CAPS2: variants seen among roughly 807,000 people sequenced by gnomAD.
CAPS2 encodes calcyphosine 2.
A neutral mutation model predicts 86.5 loss-of-function variants in CAPS2; 98 were observed. The ratio of observed to expected loss-of-function variants is 1.13; its 90% CI spans 0.96 to 1.34. CAPS2 has a LOEUF of 1.34. Ranked by LOEUF, CAPS2 falls within the 40% of genes most tolerant of loss-of-function variation. CAPS2 has a pLI of 0.00. For missense variants in CAPS2, 729 were observed against 686.8 expected (o/e 1.06, Z -0.69); for synonymous variants, 210 against 225.1 (o/e 0.93, Z 0.60).
intron 15 of CAPS2, among the ~76,000 whole-genome samples, chr12:75,283,647 C>G (rs981860093): frequency 6.6e-6 from 1 of 151,922 alleles, no homozygotes; most frequent in African/African-American, 2.4e-5. Context: ...AACCCTGTCT[C>G]TACTAAAAAT....
intron 1 of CAPS2, chr12:75,369,537 T>C (rs1593871061): frequency 2.0e-6 from 2 of 982,420 alleles, no homozygotes; most frequent in Non-Finnish European, 2.4e-6. Context: ...GAAAGTTTGA[T>C]GTGGAAAAGA....
intron 13 of CAPS2, 52 bp from the exon 14 acceptor site, chr12:75,289,827 TA>T (rs2035536549): frequency 7.7e-7 from 1 of 1,302,282 alleles, no homozygotes; most frequent in Non-Finnish European, 1.1e-6. Context: ...CATAAATGTA[TA>T]AAGCCGCAGT....
chr12:75,360,283 TC>T (rs1340042490), intron 1 of CAPS2: 1 of 152,050 alleles, frequency 6.6e-6, no homozygotes, highest in Non-Finnish European at 1.5e-5. Flanking sequence ...TACGCAACAG[TC>T]CCCCAAAATT....
At chr12:75,293,203 A>C in intron 12 of CAPS2, 46 bp downstream of exon 12, 3 of 1,045,194 alleles carry the variant, frequency 2.9e-6, no homozygotes, top group Non-Finnish European at 4.4e-6. Flanking sequence ...ATTTAAAAAT[A>C]GTGTTTTCAC....
intron 7 of CAPS2, among the ~76,000 whole-genome samples, chr12:75,312,051 C>T (rs1429216191): frequency 1.3e-5 from 2 of 152,160 alleles, no homozygotes; most frequent in Non-Finnish European, 2.9e-5. Flanking sequence ...CTAAGTCTTA[C>T]TTTTTCCTTG....
upstream of CAPS2, chr12:75,334,982 T>C (rs1400625496): frequency 1.5e-6 from 2 of 1,348,222 alleles, no homozygotes; most frequent in Admixed American, 4.3e-5. Context: ...CGGACTTAAC[T>C]TGTACTAATT....
chr12:75,316,207 T>C, intron 6 of CAPS2, 105 bp downstream of exon 6: 1 of 1,384,134 alleles, frequency 7.2e-7, no homozygotes, highest in Non-Finnish European at 9.7e-7. Flanking sequence ...TTCACCCGAG[T>C]TCAAATTCAA....
rs182606579 is a variant in CAPS2 at position 75,300,353 on chromosome 12, G to A, written c.780-442C>T. Among the ~76,000 whole-genome samples the A allele has an allele frequency of 8.3e-3, 1,253 of 151,796 alleles. 19 individuals carry two copies. The highest frequency in any genetic ancestry group is 0.028 in the African/African-American group (1,176 of 41,410). ...GGGTGGATCACGAGGTCAGGAGATC[G>A]AGACCATCTGGCTAACACGGTGAAA... On this transcript the variant is annotated intron_variant, in intron 8 of 16. Transcript: ENST00000393284.
intron 1 of CAPS2, among the ~76,000 whole-genome samples, chr12:75,383,754 T>C (rs1282302292): frequency 6.6e-6 from 1 of 152,122 alleles, no homozygotes; most frequent in Non-Finnish European, 1.5e-5. Context: ...ATGAAACATT[T>C]ACCAAAATAA....
chr12:75,305,644 G>T, intron 7 of CAPS2: 1 of 632,980 alleles, frequency 1.6e-6, no homozygotes, highest in South Asian at 1.4e-5. Context: ...CCGCGGAGAA[G>T]GGCGGCGCCC....
chr12:75,373,582 T>G (rs2139736622), intron 1 of CAPS2: 1 of 152,366 alleles, frequency 6.6e-6, no homozygotes, highest in Non-Finnish European at 1.5e-5. Flanking sequence ...TTCTGCATAC[T>G]GGGGAGATTT....
chr12:75,276,127 G>T (rs368613161), downstream of CAPS2: 11 of 1,412,002 alleles, frequency 7.8e-6, no homozygotes, highest in African/African-American at 4.4e-5. Context: ...TGTCCACCCT[G>T]CAGATTGTCT....
upstream of CAPS2, chr12:75,334,477 G>A (rs767614151): frequency 2.3e-6 from 3 of 1,303,940 alleles, no homozygotes; most frequent in Admixed American, 7.3e-5. Context: ...AGTTTGGATG[G>A]TTGAAATTCC....
intron 5 of CAPS2, among the ~76,000 whole-genome samples, chr12:75,316,726 A>G (rs1225734205): frequency 2.0e-5 from 3 of 152,176 alleles, no homozygotes; most frequent in African/African-American, 7.2e-5. Context: ...ACTTTATAAA[A>G]ACTACTTGAC....
upstream of CAPS2, among the ~76,000 whole-genome samples, chr12:75,328,224 TG>T (rs1164141653): frequency 6.6e-6 from 1 of 152,058 alleles, no homozygotes; most frequent in Non-Finnish European, 1.5e-5. Context: ...GTATTCGCGA[TG>T]ATGATTTCTG....
intron 1 of CAPS2, among the ~76,000 whole-genome samples, chr12:75,389,743 T>C (rs2045478521): frequency 6.6e-6 from 1 of 152,154 alleles, no homozygotes; most frequent in African/African-American, 2.4e-5. Context: ...TGTATACAAT[T>C]TCCAGAAAGG....
intron 1 of CAPS2, among the ~76,000 whole-genome samples, chr12:75,386,643 T>A (rs1205470153): frequency 6.6e-6 from 1 of 152,110 alleles, no homozygotes; most frequent in Admixed American, 6.5e-5. Flanking sequence ...GCATATGAAT[T>A]TAGGGGGACA....
Position 75,350,853 on chromosome 12 carries a change from G to A in CAPS2, c.-394-27631C>T, listed in dbSNP as rs117941150. On this transcript the variant is annotated intron_variant, in intron 1 of 5. Transcript: ENST00000551829. The stretch of plus-strand genomic sequence containing the variant: ...GAACTGGGATGAGGCTGAGATGGAC[G>A]AATTGACAAAAATAGGGTTCAGAAG... Among the ~76,000 whole-genome samples, 467 of 152,234 alleles carry A rather than the reference G, an allele frequency of 3.1e-3. 8 individuals are homozygous for A. The East Asian group carries it at 0.052, about 17-fold the overall frequency.
chr12:75,311,410 A>C (rs2039150474), intron 7 of CAPS2, among the ~76,000 whole-genome samples: 1 of 152,176 alleles, frequency 6.6e-6, no homozygotes, highest in Non-Finnish European at 1.5e-5. Context: ...GAATTGAGTT[A>C]CTATGGAGGA....
Sources: allele counts gnomAD v4.1 joint callset (sites outside exome capture counted in the v4.1 genomes callset), GRCh38; gene constraint gnomAD v4.1.1; transcripts MANE v1.5; gene names NCBI Gene and HGNC (gene_info 2026-07-23, HGNC 2026-07-21).